The following BIN2 variants were observed in gnomAD, a reference collection of about 807,000 sequenced individuals.
The protein encoded by BIN2 is breast cancer associated protein BRAP1.
Under a neutral mutation model 67.9 loss-of-function variants are expected in BIN2, and 43 were observed. The observed-to-expected ratio is 0.63, with a 90% confidence interval of 0.50 to 0.82. BIN2 has a LOEUF of 0.82. Among genes scored for constraint, BIN2 ranks in the 40% least tolerant of loss-of-function variants. BIN2 has a pLI of 0.00. For synonymous variants in BIN2, 244 were observed against 246.8 expected, an observed-to-expected ratio of 0.99 and a Z score of 0.11; for missense variants, 581 against 671.6, an observed-to-expected ratio of 0.87 and a Z score of 1.49.
intron 6 of BIN2, 22 bp downstream of exon 6, chr12:51,299,585 T>G: frequency 1.2e-6 from 2 of 1,606,380 alleles, no homozygotes; most frequent in Non-Finnish European, 1.7e-6. Flanking sequence ...TTTACCAGTT[T>G]TTGTTGTTGT....
At chr12:51,288,307 T>C (rs999946775) in intron 10 of BIN2, 119 bp from the exon 11 acceptor site, 82 of 740,550 alleles carry the variant, frequency 1.1e-4, no homozygotes, top group Non-Finnish European at 1.9e-5. Flanking sequence ...GAGGTAGCCT[T>C]GGTCAGACAC....
At chr12:51,284,842 A>G (rs575269854) in intron 11 of BIN2, 55 bp from the exon 12 acceptor site, 156 of 1,304,478 alleles carry the variant, frequency 1.2e-4, no homozygotes, top group Non-Finnish European at 1.6e-4. Flanking sequence ...CCAGCCTCTC[A>G]GCATAGAAGT....
chr12:51,324,173 G>A lies in BIN2; in HGVS notation c.-71C>T. 1.9e-6 allele frequency: 3 copies of A among 1,586,866 alleles called. No individual in the cohort carries two copies. The highest frequency in any genetic ancestry group is 2.6e-6 in the Non-Finnish European group (3 of 1,168,966). ...GTTTTCTGAGGCCCCCGAGGAGGAA[G>A]TGCGGGCTCCCGGCATGCCTCGCAT... On this transcript the variant is annotated 5_prime_UTR_variant, in exon 1 of 13. Coordinates refer to ENST00000615107, the MANE Select transcript of BIN2 (RefSeq NM_016293.4).
chr12:51,299,405 C>T, intron 6 of BIN2, 117 bp from the exon 7 acceptor site: 1 of 1,073,068 alleles, frequency 9.3e-7, no homozygotes, highest in Non-Finnish European at 1.4e-6. Context: ...CATCCCTCTT[C>T]TTCCCCTGAC....
At chr12:51,285,914 C>T (rs1945228308) in intron 11 of BIN2, among the ~76,000 whole-genome samples, 1 of 152,154 alleles carries the variant, frequency 6.6e-6, no homozygotes, top group African/African-American at 2.4e-5. Context: ...ACCTGGCCAA[C>T]AGAACCAATT....
chr12:51,293,824 A>T (rs1945459885), intron 9 of BIN2, among the ~76,000 whole-genome samples: 1 of 152,174 alleles, frequency 6.6e-6, no homozygotes, highest in South Asian at 2.1e-4. Context: ...AATAAGTCTG[A>T]CAATTTCACA....
At chr12:51,283,980 T>C (rs1592245572) in intron 12 of BIN2, among the ~76,000 whole-genome samples, 1 of 116,608 alleles carries the variant, frequency 8.6e-6, no homozygotes, top group East Asian at 2.5e-4. Context: ...GCAACAAGAG[T>C]GAAACTCCGT....
At chr12:51,297,236 G>T in intron 7 of BIN2, 72 bp from the exon 8 acceptor site, 1 of 1,485,646 alleles carries the variant, frequency 6.7e-7, no homozygotes, top group Non-Finnish European at 9.3e-7. Context: ...GAAATACAAA[G>T]TAGGACTTAA....
At chr12:51,324,579 G>A, upstream of BIN2, 1 of 1,487,934 alleles carries the variant, frequency 6.7e-7, no homozygotes. Context: ...TGCGTTTCTT[G>A]CTCCAGGTAG....
chr12:51,321,009 G>GA, intron 1 of BIN2, among the ~76,000 whole-genome samples: 1 of 146,564 alleles, frequency 6.8e-6, no homozygotes, highest in South Asian at 2.2e-4. Context: ...GTTGAGTTTG[G>GA]GCGGGAAATG....
At chr12:51,299,154 A>G (rs1294277280) in intron 7 of BIN2, 49 bp downstream of exon 7, 1 of 1,322,256 alleles carries the variant, frequency 7.6e-7, no homozygotes, top group Admixed American at 1.7e-5. Flanking sequence ...AAGGCACACA[A>G]GGTGCCTTGT....
chr12:51,299,400 C>A, intron 6 of BIN2, 112 bp from the exon 7 acceptor site: 1 of 1,106,676 alleles, frequency 9.0e-7, no homozygotes, highest in Non-Finnish European at 1.4e-6. Flanking sequence ...GGAGCCATCC[C>A]TCTTCTTCCC....
At chr12:51,284,827 C>T (rs759094699) in intron 11 of BIN2, 40 bp from the exon 12 acceptor site, 4 of 1,415,170 alleles carry the variant, frequency 2.8e-6, no homozygotes, top group South Asian at 2.3e-5. Context: ...GGTGGCTCAA[C>T]CTTTCCAGCC....
At position 51,306,305 on chromosome 12, in the gene BIN2, T is replaced by A. The variant is rs561479535; in HGVS notation, c.163-3164A>T. Among the ~76,000 whole-genome samples, 254 of 152,190 alleles carry A rather than the reference T, an allele frequency of 1.7e-3. 1 individual carries two copies. The highest frequency in any genetic ancestry group is 6.0e-3 in the African/African-American group (251 of 41,522). On this transcript the variant is annotated intron_variant, in intron 2 of 12. Transcript: ENST00000615107. Reference sequence around the variant, plus strand: ...TGATTGTGTGCTGTGTTACAGCAAATGAGGATTAAGAGAACATCATATAAA... The same window carrying A: ...TGATTGTGTGCTGTGTTACAGCAAAAGAGGATTAAGAGAACATCATATAAA...
intron 7 of BIN2, among the ~76,000 whole-genome samples, chr12:51,298,766 C>T (rs1378051040): frequency 6.6e-6 from 1 of 151,972 alleles, no homozygotes; most frequent in African/African-American, 2.4e-5. Flanking sequence ...GCTTAGATTT[C>T]TCTTTAAATG....
intron 11 of BIN2, among the ~76,000 whole-genome samples, chr12:51,286,107 A>AT (rs1945231372): frequency 6.6e-6 from 1 of 151,970 alleles, no homozygotes; most frequent in South Asian, 2.1e-4. Context: ...GCAAGAACAG[A>AT]TTTTTTCCCA....
chr12:51,323,300 A>G (rs1334097703), intron 1 of BIN2: 1 of 151,532 alleles, frequency 6.6e-6, no homozygotes. Flanking sequence ...ATGTGTAGAG[A>G]ATGTCCCCAC....
chr12:51,302,299 A>G (rs797004849), intron 4 of BIN2, 184 bp from the exon 5 acceptor site: 8 of 572,926 alleles, frequency 1.4e-5, no homozygotes, highest in African/African-American at 1.1e-4. Flanking sequence ...GAACTGCTCT[A>G]TGGGAGTCTG....
intron 1 of BIN2, among the ~76,000 whole-genome samples, chr12:51,316,048 ACCAT>A (rs144950100): frequency 0.02 from 3,042 of 152,150 alleles, 56 homozygotes; most frequent in Non-Finnish European, 0.031. Context: ...ATCTCTAGAA[ACCAT>A]CTTATTCCCC....
Sources: allele counts gnomAD v4.1 joint callset (sites outside exome capture counted in the v4.1 genomes callset), GRCh38; gene constraint gnomAD v4.1.1; transcripts MANE v1.5; gene names NCBI Gene and HGNC (gene_info 2026-07-23, HGNC 2026-07-21).